The following SASH1 variants were observed in gnomAD, a reference collection of about 807,000 sequenced individuals.
SASH1 encodes the protein SAM and SH3 domain-containing protein 1.
In SASH1, 44 loss-of-function variants were observed where a neutral mutation model predicts 125.2. The observed-to-expected ratio is 0.35, with a 90% CI of 0.28 to 0.45. SASH1 has a LOEUF of 0.45. Among genes scored for constraint, SASH1 ranks in the 20% least tolerant of loss-of-function variants. The pLI is 1.00. For synonymous variants in SASH1, 639 were observed against 649.1 expected (o/e 0.98, Z 0.24); for missense variants, 1,426 against 1,614.5 (o/e 0.88, Z 2.00).
At chr6:148,253,766 G>A in the SASH1 span, among the ~76,000 whole-genome samples, 1 of 152,146 alleles carries the variant, frequency 6.6e-6, no homozygotes, top group East Asian at 1.9e-4. Context: ...CAGCTACTGG[G>A]GAGGCTGAGG....
chr6:148,290,726 TGCGGAAG>T (rs71817418), intron 1 of SASH1, among the ~76,000 whole-genome samples: 73,512 of 141,978 alleles, frequency 0.52, 20,651 homozygotes, highest in African/African-American at 0.65. Flanking sequence ...ACACAAACAC[TGCGGAAG>T]GCGGAAGGCG....
intron 2 of SASH1, among the ~76,000 whole-genome samples, chr6:148,395,652 C>T (rs900866674): frequency 1.3e-5 from 2 of 152,254 alleles, no homozygotes; most frequent in Middle Eastern, 3.4e-3. Context: ...ACAGCCTTTC[C>T]CTCTGCTGGG....
chr6:148,283,912 A>T (rs1271560561), intron 1 of SASH1, among the ~76,000 whole-genome samples: 1 of 147,492 alleles, frequency 6.8e-6, no homozygotes, highest in East Asian at 1.9e-4. Context: ...TTAGGGGGAA[A>T]TATCATATCT....
intron 1 of SASH1, among the ~76,000 whole-genome samples, chr6:148,361,796 GGAA>G (rs1782219110): frequency 6.6e-6 from 1 of 152,114 alleles, no homozygotes; most frequent in African/African-American, 2.4e-5. Context: ...GGACCAGTGT[GGAA>G]GAAGAAGACA....
At chr6:148,384,426 A>T (rs1368503702) in intron 1 of SASH1, among the ~76,000 whole-genome samples, 1 of 152,216 alleles carries the variant, frequency 6.6e-6, no homozygotes. Context: ...CATGATATTT[A>T]TTATAATAAA....
intron 1 of SASH1, among the ~76,000 whole-genome samples, chr6:148,353,003 A>G (rs1030011605): frequency 5.3e-5 from 8 of 152,214 alleles, no homozygotes; most frequent in African/African-American, 1.7e-4. Flanking sequence ...ATTAACTACT[A>G]ACAATAGTTG....
chr6:148,314,769 C>CTT (rs34187478), intron 1 of SASH1, among the ~76,000 whole-genome samples: 27 of 132,760 alleles, frequency 2.0e-4, no homozygotes, highest in Non-Finnish European at 3.8e-4. Context: ...GTATAAATGA[C>CTT]TTTTTTTTTT....
intron 2 of SASH1, among the ~76,000 whole-genome samples, chr6:148,432,567 C>T (rs572467804): frequency 1.3e-5 from 2 of 152,316 alleles, no homozygotes; most frequent in South Asian, 4.1e-4. Flanking sequence ...TCGCCTCTGG[C>T]TTTTTCCACC....
intron 1 of SASH1, among the ~76,000 whole-genome samples, chr6:148,372,960 C>T (rs990966357): frequency 2.0e-5 from 3 of 152,128 alleles, no homozygotes; most frequent in South Asian, 2.1e-4. Context: ...TTTGGGAGGA[C>T]GAGGTGGGCA....
chr6:148,511,997 A>G (rs1266262157), intron 8 of SASH1, among the ~76,000 whole-genome samples: 3 of 146,602 alleles, frequency 2.0e-5, no homozygotes, highest in African/African-American at 7.5e-5. Flanking sequence ...TTTTCATTTG[A>G]TTTCAACATT....
chr6:148,247,564 C>A, the SASH1 span, among the ~76,000 whole-genome samples: 2 of 152,170 alleles, frequency 1.3e-5, no homozygotes, highest in African/African-American at 4.8e-5. Flanking sequence ...CAGTTGCCAT[C>A]CCCCTTTATT....
intron 2 of SASH1, among the ~76,000 whole-genome samples, chr6:148,399,591 T>C (rs1230550446): frequency 6.6e-6 from 1 of 152,238 alleles, no homozygotes. Flanking sequence ...ACCTGAGGGC[T>C]TAAACACCAA....
intron 1 of SASH1, among the ~76,000 whole-genome samples, chr6:148,382,191 T>C (rs1783167668): frequency 6.6e-6 from 1 of 152,166 alleles, no homozygotes; most frequent in African/African-American, 2.4e-5. Flanking sequence ...ATGGTGTCAC[T>C]GATCTGCTGG....
intron 16 of SASH1, among the ~76,000 whole-genome samples, chr6:148,539,994 A>G (rs568386106): frequency 6.6e-6 from 1 of 152,260 alleles, no homozygotes; most frequent in East Asian, 1.9e-4. Context: ...TGGCAACATA[A>G]CTGTCTTCAA....
the SASH1 span, among the ~76,000 whole-genome samples, chr6:148,242,791 A>AT: frequency 6.6e-6 from 1 of 152,048 alleles, no homozygotes; most frequent in South Asian, 2.1e-4. Flanking sequence ...GATAGACACT[A>AT]TTTTTTTAGG....
Position 148,544,178 on chromosome 6 carries a change from C to G in SASH1, c.2708C>G (p.Pro903Arg). The change falls in exon 18 of 20, where the codon CCT (proline) becomes CGT (arginine). Residue 903 changes from proline (P) to arginine (R), a missense_variant. This residue lies in a region of SASH1 where 634 missense variants were observed against 694.4 expected (regional missense o/e 0.91). Coordinates refer to ENST00000367467, the MANE Select transcript of SASH1 (RefSeq NM_015278.5). This position sits in a 1 kb window ranked among gnomAD's most constrained non-coding sequence, Gnocchi z 6.4. ...LLTQSKRFSEPQKLTTKKLEG... is the reference protein window; with the variant it reads ...LLTQSKRFSERQKLTTKKLEG... ...ACCCAAAGCAAGAGATTTTCTGAAC[C>G]TCAGAAATTGACAACTAAGAAACTG... 1 of 1,614,174 alleles carries G rather than the reference C, an allele frequency of 6.2e-7. No individual in the cohort carries two copies.
chr6:148,440,059 C>T, intron 2 of SASH1, 125 bp from the exon 3 acceptor site: 1 of 760,528 alleles, frequency 1.3e-6, no homozygotes, highest in South Asian at 1.6e-5. Context: ...TTATCTCTGC[C>T]ATCTCCTCCC....
chr6:148,389,547 A>T (rs936526245), intron 1 of SASH1, among the ~76,000 whole-genome samples: 4 of 152,212 alleles, frequency 2.6e-5, no homozygotes, highest in Admixed American at 2.6e-4. Context: ...GAATAAAAAG[A>T]TTTTCCACTT....
intron 1 of SASH1, among the ~76,000 whole-genome samples, chr6:148,362,287 A>G (rs1198188164): frequency 6.7e-6 from 1 of 149,884 alleles, no homozygotes; most frequent in African/African-American, 2.5e-5. Flanking sequence ...CAGTGGCGCC[A>G]TCTTGGCTCA....
Sources: gnomAD v4.1 joint callset for allele counts (sites outside exome capture counted in the v4.1 genomes callset) on GRCh38, gnomAD v4.1.1 for gene constraint, gnomAD v4.1.1 regional missense constraint, Gnocchi (gnomAD v3.1) non-coding constraint, MANE v1.5 for transcripts, NCBI Gene and HGNC (gene_info 2026-07-23, HGNC 2026-07-21) for gene names.